Variants in CELF2 observed in about 807,000 individuals in gnomAD.
CELF2 encodes CUGBP Elav-like family member 2.
In CELF2, 8 loss-of-function variants were observed where a neutral mutation model predicts 62.6. The ratio of observed to expected loss-of-function variants is 0.13; its 90% CI spans 0.07 to 0.23. The LOEUF (loss-of-function observed/expected upper bound fraction) is 0.23, where lower values mean the gene tolerates loss of function less well. Among genes scored for constraint, CELF2 ranks in the 10% least tolerant of loss-of-function variants. The pLI is 1.00. For missense variants in CELF2, 333 were observed against 671.0 expected, an observed-to-expected ratio of 0.50 and a Z score of 5.56; for synonymous variants, 258 against 250.0, an observed-to-expected ratio of 1.03 and a Z score of -0.30.
chr10:11,169,948 G>T (rs2068329523), intron 2 of CELF2, among the ~76,000 whole-genome samples: 1 of 152,216 alleles, frequency 6.6e-6, no homozygotes, highest in Admixed American at 6.5e-5. Context: ...TGTCACAGAA[G>T]AGTCAAGAAG....
In CELF2 at chr10:11,277,539, C is replaced by T. The variant is rs1405515387; in HGVS notation, c.841+2419C>T. On this transcript the variant is annotated intron_variant, in intron 8 of 12. Coordinates refer to ENST00000633077, the MANE Select transcript of CELF2 (RefSeq NM_001326342.2). ...CCCTCTAAGAGCTGCTCATGAGTAT[C>T]CTCGAGTGGATGAGTGAACAGATTT... Among the ~76,000 whole-genome samples, 6 of 152,318 alleles carry T rather than the reference C, an allele frequency of 3.9e-5. No individual in the cohort carries two copies. In the South Asian group the frequency reaches 1.2e-3, roughly 32 times the overall value.
the CELF2 span, among the ~76,000 whole-genome samples, chr10:10,686,593 G>C: frequency 1.3e-5 from 2 of 152,100 alleles, no homozygotes; most frequent in Admixed American, 1.3e-4. Flanking sequence ...TTGTGATAGT[G>C]AGTGAGTTCT....
chr10:10,876,682 G>C (rs1050828843), intron 1 of CELF2, among the ~76,000 whole-genome samples: 1 of 152,200 alleles, frequency 6.6e-6, no homozygotes, highest in Non-Finnish European at 1.5e-5. Context: ...GTATGTATTG[G>C]TTTTCCTACT....
intron 1 of CELF2, among the ~76,000 whole-genome samples, chr10:10,914,143 AT>A (rs1399233897): frequency 1.4e-5 from 2 of 147,592 alleles, no homozygotes; most frequent in Non-Finnish European, 3.0e-5. Flanking sequence ...AAAAAAAAAA[AT>A]GTTCTCTGTA....
chr10:11,176,941 T>C (rs980123870), intron 2 of CELF2, among the ~76,000 whole-genome samples: 1 of 152,194 alleles, frequency 6.6e-6, no homozygotes, highest in Non-Finnish European at 1.5e-5. Flanking sequence ...TTGCTCACTT[T>C]AATGCAGAAT....
intron 2 of CELF2, among the ~76,000 whole-genome samples, chr10:11,179,656 T>G (rs2072584182): frequency 6.6e-6 from 1 of 152,188 alleles, no homozygotes; most frequent in African/African-American, 2.4e-5. Context: ...CAAAGATGAC[T>G]ACTGGGGCAT....
chr10:11,030,944 A>G (rs1487026443), intron 1 of CELF2: 4 of 152,240 alleles, frequency 2.6e-5, no homozygotes, highest in Admixed American at 6.5e-5. Flanking sequence ...TGCCAAGATA[A>G]AGAAGCAATT....
At chr10:10,760,970 C>G in the CELF2 span, among the ~76,000 whole-genome samples, 1 of 152,072 alleles carries the variant, frequency 6.6e-6, no homozygotes, top group East Asian at 1.9e-4. Flanking sequence ...GAATTTTAAG[C>G]TGGGTGGTGA....
At chr10:10,603,606 CA>C in the CELF2 span, among the ~76,000 whole-genome samples, 1 of 152,110 alleles carries the variant, frequency 6.6e-6, no homozygotes. Flanking sequence ...CTAACTTAAA[CA>C]AGAATTTGGA....
chr10:10,462,860 G>A, the CELF2 span, among the ~76,000 whole-genome samples: 3 of 152,004 alleles, frequency 2.0e-5, no homozygotes, highest in Non-Finnish European at 4.4e-5. Context: ...GGCTAAGATT[G>A]TCGCACTATG....
the CELF2 span, among the ~76,000 whole-genome samples, chr10:10,676,247 T>C: frequency 6.6e-6 from 1 of 152,190 alleles, no homozygotes; most frequent in African/African-American, 2.4e-5. Flanking sequence ...GTTGAGTTTT[T>C]TCCTTCTCCC....
chr10:11,218,618 GA>G (rs2063950306), intron 3 of CELF2, among the ~76,000 whole-genome samples: 1 of 152,184 alleles, frequency 6.6e-6, no homozygotes, highest in Non-Finnish European at 1.5e-5. Context: ...CCTTGATTTT[GA>G]ATCATACTAC....
chr10:10,488,837 G>A, the CELF2 span, among the ~76,000 whole-genome samples: 3 of 152,020 alleles, frequency 2.0e-5, no homozygotes. Context: ...TTCCTTCAAG[G>A]TTTGAAAAAC....
intron 2 of CELF2, among the ~76,000 whole-genome samples, chr10:11,181,837 A>G (rs572179212): frequency 8.5e-5 from 13 of 152,362 alleles, no homozygotes; most frequent in Admixed American, 2.6e-4. Flanking sequence ...AATGCAAAGC[A>G]TTCAAGATAA....
At chr10:10,909,670 A>G (rs776494889) in intron 1 of CELF2, among the ~76,000 whole-genome samples, 1 of 152,242 alleles carries the variant, frequency 6.6e-6, no homozygotes. Context: ...AAATATTGGC[A>G]TTGGCTGTTA....
chr10:10,810,144 AC>A (rs762730262), intron 1 of CELF2, among the ~76,000 whole-genome samples: 58 of 152,382 alleles, frequency 3.8e-4, no homozygotes, highest in Non-Finnish European at 6.6e-4. Context: ...ATGCATAAAC[AC>A]ACAGATAGAC....
the CELF2 span, among the ~76,000 whole-genome samples, chr10:10,633,551 C>G: frequency 6.6e-6 from 1 of 152,032 alleles, no homozygotes; most frequent in Non-Finnish European, 1.5e-5. Context: ...ACATGAGTTG[C>G]AAATATTCTT....
At chr10:10,598,775 T>G in the CELF2 span, among the ~76,000 whole-genome samples, 2 of 143,664 alleles carry the variant, frequency 1.4e-5, no homozygotes, top group African/African-American at 5.1e-5. Flanking sequence ...TTTTTTTTTT[T>G]TTTGAGACAG....
the CELF2 span, among the ~76,000 whole-genome samples, chr10:10,563,131 AG>A: frequency 6.6e-6 from 1 of 152,134 alleles, no homozygotes; most frequent in South Asian, 2.1e-4. Context: ...AGAGTCAGAT[AG>A]AAGTCTTGAA....
Sources: allele counts gnomAD v4.1 joint callset (sites outside exome capture counted in the v4.1 genomes callset), GRCh38; gene constraint gnomAD v4.1.1; transcripts MANE v1.5; gene names NCBI Gene and HGNC (gene_info 2026-07-23, HGNC 2026-07-21).